Variants in PCDH15 observed in about 807,000 individuals in gnomAD.
The protein encoded by PCDH15 is protocadherin related 15, also known as protocadherin-15.
PCDH15 carries 129 observed loss-of-function variants against 178.5 expected under a neutral mutation model. The observed-to-expected ratio is 0.72, with a 90% CI of 0.63 to 0.84. The LOEUF (loss-of-function observed/expected upper bound fraction) is 0.84, where lower values mean the gene tolerates loss of function less well. Ranked by LOEUF, PCDH15 falls within the 40% of genes least tolerant of loss-of-function variation. The probability of loss-of-function intolerance (pLI) is 0.00; values close to 1 mark genes in which losing one functional copy is unlikely to be tolerated. For missense variants in PCDH15, 2,230 were observed against 2,099.9 expected (o/e 1.06, Z -1.21); for synonymous variants, 800 against 732.0 (o/e 1.09, Z -1.50).
chr10:54,404,740 A>T (rs1280714976), intron 3 of PCDH15, among the ~76,000 whole-genome samples: 5 of 151,388 alleles, frequency 3.3e-5, no homozygotes, highest in Admixed American at 3.3e-4. Flanking sequence ...GAAAATTCTT[A>T]CAAACTATGC....
At chr10:53,924,810 A>G (rs2084347731) in intron 25 of PCDH15, among the ~76,000 whole-genome samples, 1 of 152,222 alleles carries the variant, frequency 6.6e-6, no homozygotes, top group African/African-American at 2.4e-5. Context: ...AAGGGACTGT[A>G]AATACACCAA....
chr10:54,341,535 A>G (rs1942232680), intron 6 of PCDH15, among the ~76,000 whole-genome samples: 1 of 152,194 alleles, frequency 6.6e-6, no homozygotes, highest in African/African-American at 2.4e-5. Context: ...TAGCAGTGTG[A>G]TAACAAACTA....
At chr10:54,883,626 A>T (rs575765959) in intron 3 of PCDH15, among the ~76,000 whole-genome samples, 1 of 152,116 alleles carries the variant, frequency 6.6e-6, no homozygotes, top group East Asian at 1.9e-4. Flanking sequence ...AGGAAAGAGT[A>T]ATGTATACCA....
At chr10:54,869,774 T>A (rs1954002892) in intron 3 of PCDH15, among the ~76,000 whole-genome samples, 1 of 152,112 alleles carries the variant, frequency 6.6e-6, no homozygotes, top group Non-Finnish European at 1.5e-5. Context: ...AAGTTCAAGG[T>A]GACACTTATA....
chr10:54,324,112 G>C (rs1179174492), intron 7 of PCDH15, among the ~76,000 whole-genome samples: 1 of 151,992 alleles, frequency 6.6e-6, no homozygotes, highest in Non-Finnish European at 1.5e-5. Context: ...AAAACAATGG[G>C]GTTACAATTA....
intron 16 of PCDH15, among the ~76,000 whole-genome samples, chr10:54,084,155 C>T (rs917287615): frequency 1.4e-4 from 21 of 151,360 alleles, no homozygotes; most frequent in African/African-American, 4.9e-4. Flanking sequence ...GCATGATCTC[C>T]GCTCACTGCA....
Position 54,206,610 on chromosome 10 carries a change from T to C in PCDH15, c.1098+7326A>G, listed in dbSNP as rs79408687. On this transcript the variant is annotated intron_variant, in intron 10 of 37. Transcript: ENST00000644397. ...TGAATTAGCCAACCAGAATAATGTA[T>C]TTTGTAATAAGCAAATTTTAAAAAA... Among the ~76,000 whole-genome samples the C allele has an allele frequency of 9.7e-3, 1,475 of 152,242 alleles. 23 individuals are homozygous for C. Among genetic ancestry groups the C allele is most frequent in the African/African-American group, 0.033 (1,371 of 41,534 alleles).
intron 2 of PCDH15, among the ~76,000 whole-genome samples, chr10:55,013,746 A>T (rs2131945968): frequency 6.6e-6 from 1 of 152,306 alleles, no homozygotes; most frequent in East Asian, 1.9e-4. Context: ...AGTCAAATTC[A>T]AGACATTTGC....
chr10:54,381,852 G>A (rs1159794966), intron 3 of PCDH15, among the ~76,000 whole-genome samples: 3 of 152,026 alleles, frequency 2.0e-5, no homozygotes, highest in Non-Finnish European at 4.4e-5. Context: ...TAAGAGAGCT[G>A]GCCCTGGAAT....
chr10:53,826,735 GACT>G (rs1293601200), intron 32 of PCDH15, among the ~76,000 whole-genome samples: 3 of 152,090 alleles, frequency 2.0e-5, no homozygotes. Flanking sequence ...TTTAAATAGT[GACT>G]ACAAGTTTCA....
Position 54,164,581 on chromosome 10 carries a change from A to G in PCDH15, c.1591-11288T>C, listed in dbSNP as rs951008731. Among the ~76,000 whole-genome samples, 33 of 152,220 alleles carry G rather than the reference A, an allele frequency of 2.2e-4. 1 individual carries two copies. The highest frequency in any genetic ancestry group is 7.5e-4 in the African/African-American group (31 of 41,470). Reference sequence around the variant, plus strand: ...ATTGTCTTTCAAATGTTAAAGAAATATCAGAACAGTTAAGTGAATCTATCT... The same window carrying G: ...ATTGTCTTTCAAATGTTAAAGAAATGTCAGAACAGTTAAGTGAATCTATCT... On this transcript the variant is annotated intron_variant, in intron 13 of 37. Transcript: ENST00000644397.
At chr10:54,532,289 G>GT (rs201081671) in intron 2 of PCDH15, among the ~76,000 whole-genome samples, 5,824 of 152,216 alleles carry the variant, frequency 0.038, 148 homozygotes, top group Middle Eastern at 0.099. Flanking sequence ...ATTCTAGAAT[G>GT]TAAACTAACA....
At chr10:53,957,748 A>G (rs1316814950) in intron 23 of PCDH15, among the ~76,000 whole-genome samples, 4 of 152,110 alleles carry the variant, frequency 2.6e-5, no homozygotes, top group Non-Finnish European at 5.9e-5. Context: ...GATACTGTGG[A>G]TAAGGAGGGG....
At chr10:54,622,468 G>A (rs1344478772) in intron 2 of PCDH15, among the ~76,000 whole-genome samples, 6 of 144,530 alleles carry the variant, frequency 4.2e-5, no homozygotes, top group Non-Finnish European at 6.0e-5. Context: ...TATGTCATTT[G>A]TCCTAATCCT....
chr10:53,913,747 A>C (rs535565220), intron 25 of PCDH15, among the ~76,000 whole-genome samples: 3 of 146,836 alleles, frequency 2.0e-5, no homozygotes, highest in South Asian at 2.1e-4. Context: ...CTGTCTCAAA[A>C]AAAAACCAAA....
At chr10:55,432,795 A>ATT (rs200341623) in intron 2 of PCDH15, among the ~76,000 whole-genome samples, 1 of 131,412 alleles carries the variant, frequency 7.6e-6, no homozygotes, top group Non-Finnish European at 1.6e-5. Flanking sequence ...ATATATATAT[A>ATT]TTTTATTTTT....
intron 2 of PCDH15, among the ~76,000 whole-genome samples, chr10:55,486,977 C>T (rs1191816276): frequency 1.3e-5 from 2 of 151,630 alleles, no homozygotes; most frequent in South Asian, 2.1e-4. Flanking sequence ...GTACTTCATG[C>T]TTGACTTAAA....
chr10:53,952,932 C>A (rs2087219222), intron 23 of PCDH15, among the ~76,000 whole-genome samples: 1 of 152,228 alleles, frequency 6.6e-6, no homozygotes, highest in African/African-American at 2.4e-5. Flanking sequence ...GCCCTGGAAG[C>A]AGGGAGAGGC....
At chr10:54,053,689 T>A (rs1232182031) in intron 18 of PCDH15, among the ~76,000 whole-genome samples, 1 of 152,198 alleles carries the variant, frequency 6.6e-6, no homozygotes. Context: ...CAAGTGAGTA[T>A]GGCTAGAGAT....
Sources: allele counts gnomAD v4.1 joint callset (sites outside exome capture counted in the v4.1 genomes callset), GRCh38; gene constraint gnomAD v4.1.1; transcripts MANE v1.5; gene names NCBI Gene and HGNC (gene_info 2026-07-23, HGNC 2026-07-21).